The following FAT4 variants were observed in gnomAD, a reference collection of about 807,000 sequenced individuals.
The protein encoded by FAT4 is FAT atypical cadherin 4.
Under a neutral mutation model 303.9 loss-of-function variants are expected in FAT4, and 84 were observed. The observed-to-expected ratio is 0.28, with a 90% CI of 0.23 to 0.33. The LOEUF is 0.33. Ranked by LOEUF, FAT4 falls within the 10% of genes least tolerant of loss-of-function variation. FAT4 has a pLI of 1.00. For missense variants in FAT4, 6,005 were observed against 6,146.8 expected (o/e 0.98, Z 0.77); for synonymous variants, 2,307 against 2,298.8 (o/e 1.00, Z -0.10).
chr4:125,426,619 A>G (rs957763035), intron 7 of FAT4, among the ~76,000 whole-genome samples: 4 of 152,072 alleles, frequency 2.6e-5, no homozygotes, highest in African/African-American at 9.6e-5. Context: ...AAATATTTCT[A>G]CATAGAATTT....
intron 7 of FAT4, among the ~76,000 whole-genome samples, chr4:125,419,452 G>C (rs1481763708): frequency 6.6e-6 from 1 of 152,034 alleles, no homozygotes; most frequent in Non-Finnish European, 1.5e-5. Flanking sequence ...CCTCCAAAAC[G>C]ACCTCCTTAG....
chr4:125,385,259 G>C (rs1323203928), intron 2 of FAT4, among the ~76,000 whole-genome samples: 2 of 151,856 alleles, frequency 1.3e-5, no homozygotes, highest in African/African-American at 4.8e-5. Flanking sequence ...CTGACCTCAG[G>C]TGATCTACCT....
chr4:125,384,357 G>A (rs1277120116), intron 2 of FAT4, among the ~76,000 whole-genome samples: 1 of 152,066 alleles, frequency 6.6e-6, no homozygotes, highest in Non-Finnish European at 1.5e-5. Context: ...TTTTAATATA[G>A]CCATTTTTAT....
intron 3 of FAT4, among the ~76,000 whole-genome samples, chr4:125,403,070 T>C (rs1734448481): frequency 6.6e-6 from 1 of 152,028 alleles, no homozygotes; most frequent in African/African-American, 2.4e-5. Context: ...ATCAAATAAA[T>C]TTAAGCCATC....
At chr4:125,354,183 G>T (rs1469899451) in intron 2 of FAT4, among the ~76,000 whole-genome samples, 1 of 151,620 alleles carries the variant, frequency 6.6e-6, no homozygotes, top group African/African-American at 2.4e-5. Flanking sequence ...TTTTACCCCA[G>T]ATTTTCATAG....
chr4:125,403,519 T>C (rs1734468024), intron 3 of FAT4, among the ~76,000 whole-genome samples: 2 of 152,134 alleles, frequency 1.3e-5, no homozygotes, highest in South Asian at 4.1e-4. Context: ...CTATCTATTC[T>C]AATTTAATTT....
chr4:125,482,162 T>C (rs1446764006), intron 16 of FAT4, among the ~76,000 whole-genome samples: 1 of 152,194 alleles, frequency 6.6e-6, no homozygotes, highest in African/African-American at 2.4e-5. Context: ...AGGATTAGAA[T>C]AAGGAAAAAC....
chr4:125,352,695 T>C (rs1732273300), intron 2 of FAT4, among the ~76,000 whole-genome samples: 1 of 151,772 alleles, frequency 6.6e-6, no homozygotes, highest in Non-Finnish European at 1.5e-5. Context: ...TGCTTCCCCA[T>C]ATGTGCAATA....
At chr4:125,423,261 C>T (rs567995211) in intron 7 of FAT4, among the ~76,000 whole-genome samples, 76 of 145,568 alleles carry the variant, frequency 5.2e-4, no homozygotes, top group African/African-American at 1.7e-3. Context: ...GAGACCTTCT[C>T]GACAGCCTCT....
chr4:125,491,619 C>T lies in FAT4; in HGVS notation c.14803C>T (p.Leu4935Phe). 1.2e-6 allele frequency: 2 copies of T among 1,614,174 alleles called. No homozygotes were observed. Among genetic ancestry groups the T allele is most frequent in the South Asian group, 1.1e-5 (1 of 91,078 alleles). Residue 4935 changes from leucine to phenylalanine, a missense_variant, in exon 18 of 18, where the codon CTT becomes TTT. Leu to Phe is a conservative substitution (Grantham distance 22). Coordinates refer to ENST00000394329, the MANE Select transcript of FAT4 (RefSeq NM_001291303.3). ...QQAGTFNWDNLLNWGPGFGHY... is the reference protein window; with the variant it reads ...QQAGTFNWDNFLNWGPGFGHY... ...AGCAGGGACTTTCAACTGGGACAAC[C>T]TTTTGAACTGGGGCCCTGGCTTTGG...
At chr4:125,398,732 A>G in intron 2 of FAT4, 52 bp from the exon 3 acceptor site, 2 of 1,574,972 alleles carry the variant, frequency 1.3e-6, no homozygotes, top group South Asian at 1.2e-5. Flanking sequence ...TTTAATTGGT[A>G]TCTTGCAGAC....
chr4:125,479,196 C>T (rs1417935727), intron 14 of FAT4, among the ~76,000 whole-genome samples: 3 of 152,172 alleles, frequency 2.0e-5, no homozygotes, highest in African/African-American at 7.2e-5. Context: ...ATTCAGCAAA[C>T]CCGCAAACTC....
chr4:125,409,410 C>T (rs569694930), intron 5 of FAT4, among the ~76,000 whole-genome samples: 35 of 152,088 alleles, frequency 2.3e-4, no homozygotes, highest in Non-Finnish European at 3.1e-4. Context: ...GCATGCACCA[C>T]CACGCCTGGC....
rs17009763 is a variant in FAT4, at chr4:125,476,356, G to A, written c.12299+100G>A. The A allele has an allele frequency of 9.5e-3, 4,347 of 455,724 alleles. 170 individuals carry two copies. Among genetic ancestry groups the A allele is most frequent in the African/African-American group, 0.082 (4,033 of 49,146 alleles). 28.2% of individuals were successfully genotyped at this position (455,724 alleles called of 1,614,324 possible). ...TATAGGATGCTAAGTAGTACATAAA[G>A]CTTAAGATATTTTATTTCCCTCTCC... On this transcript the variant is annotated intron_variant, in intron 13 of 17. Coordinates refer to ENST00000394329, the MANE Select transcript of FAT4 (RefSeq NM_001291303.3).
chr4:125,486,811 A>G (rs950633990), intron 16 of FAT4, among the ~76,000 whole-genome samples: 2 of 152,238 alleles, frequency 1.3e-5, no homozygotes, highest in Non-Finnish European at 2.9e-5. Context: ...AATGATATAA[A>G]CAATAGGCAT....
chr4:125,345,978 T>A (rs1191028417), intron 2 of FAT4, among the ~76,000 whole-genome samples: 1 of 152,052 alleles, frequency 6.6e-6, no homozygotes, highest in East Asian at 1.9e-4. Context: ...CTCTTTTTTT[T>A]TATATATAAT....
intron 11 of FAT4, among the ~76,000 whole-genome samples, chr4:125,468,023 G>A (rs1726726242): frequency 6.6e-6 from 1 of 152,030 alleles, no homozygotes; most frequent in African/African-American, 2.4e-5. Flanking sequence ...AATTAGCCAG[G>A]CATGGTTCCC....
chr4:125,422,716 C>A (rs1292094383), intron 7 of FAT4, among the ~76,000 whole-genome samples: 1 of 152,088 alleles, frequency 6.6e-6, no homozygotes, highest in Admixed American at 6.6e-5. Context: ...TTACTGATAT[C>A]AGAGAGAGTA....
rs756061048 is a variant in FAT4, at chr4:125,318,407, T to C, written c.1996T>C (p.Ser666Pro). 5.6e-6 allele frequency: 9 copies of C among 1,614,116 alleles called. No individual in the cohort carries two copies. The highest frequency in any genetic ancestry group is 7.6e-6 in the Non-Finnish European group (9 of 1,180,036). Residue 666 changes from serine to proline, a missense_variant, in exon 2 of 18, where the codon TCC becomes CCC. Physicochemically the swap from Ser to Pro is moderately conservative, Grantham distance 74. Transcript: ENST00000394329. ...SLLVLATDLGSPPQSSMARIN... is the reference protein window; with the variant it reads ...SLLVLATDLGPPPQSSMARIN... ...GTTGGTTCTGGCCACAGATCTGGGC[T>C]CCCCTCCCCAGTCATCAATGGCTCG...
Sources: allele counts gnomAD v4.1 joint callset (sites outside exome capture counted in the v4.1 genomes callset), GRCh38; gene constraint gnomAD v4.1.1; transcripts MANE v1.5; gene names NCBI Gene and HGNC (gene_info 2026-07-23, HGNC 2026-07-21).